Variants in VPS26A observed in about 807,000 individuals in gnomAD.
VPS26A encodes VPS26 retromer complex component A.
In VPS26A, 22 loss-of-function variants were observed where a neutral mutation model predicts 42.4. That is an observed-to-expected ratio of 0.52 (90% CI 0.37 to 0.74). VPS26A has a LOEUF of 0.74. Ranked by LOEUF, VPS26A falls within the 30% of genes least tolerant of loss-of-function variation. VPS26A has a pLI of 0.00. For missense variants in VPS26A, 276 were observed against 379.2 expected (o/e 0.73, Z 2.26); for synonymous variants, 110 against 123.5 (o/e 0.89, Z 0.73).
chr10:69,150,808 TATATGTAGA>T lies in VPS26A; in HGVS notation c.154-5003_154-4995del, dbSNP rs1265311662. 2.0e-5 allele frequency among the ~76,000 whole-genome samples: 3 copies of T among 152,348 alleles called. No individual in the cohort carries two copies. In the East Asian group the frequency reaches 5.8e-4, roughly 29 times the overall value. The stretch of plus-strand genomic sequence containing the variant: ...AAAAGTATATATATGCATGCCCATA[TATATGTAGA>T]GAGATGATGATAAAGCAGATGGGGC... On this transcript the variant is annotated intron_variant, in intron 2 of 8. Coordinates refer to ENST00000263559, the MANE Select transcript of VPS26A (RefSeq NM_004896.5).
chr10:69,127,773 G>A (rs1179457890), intron 1 of VPS26A, among the ~76,000 whole-genome samples: 2 of 114,602 alleles, frequency 1.7e-5, no homozygotes, highest in Non-Finnish European at 3.3e-5. Flanking sequence ...TTGCTCTGCC[G>A]CCCAGTCAGT....
intron 6 of VPS26A, among the ~76,000 whole-genome samples, chr10:69,164,729 A>C (rs959104814): frequency 7.9e-5 from 12 of 152,086 alleles, no homozygotes; most frequent in African/African-American, 2.9e-4. Context: ...GAAGTAATAC[A>C]TTGTGGTTTA....
intron 4 of VPS26A, 93 bp downstream of exon 4, chr10:69,157,256 G>A (rs2132226912): frequency 2.8e-6 from 4 of 1,424,392 alleles, no homozygotes; most frequent in Non-Finnish European, 3.7e-6. Flanking sequence ...TTATAATTCT[G>A]TATTGGAAGA....
chr10:69,125,997 A>G (rs1284276352), intron 1 of VPS26A, among the ~76,000 whole-genome samples: 1 of 152,204 alleles, frequency 6.6e-6, no homozygotes, highest in Non-Finnish European at 1.5e-5. Flanking sequence ...AGATTAGAAA[A>G]CTATAAAAAC....
In VPS26A at chr10:69,168,690, G is replaced by A. The variant is rs61533192; in HGVS notation, c.870+59G>A. On this transcript the variant is annotated intron_variant, in intron 8 of 8. Coordinates refer to ENST00000263559, the MANE Select transcript of VPS26A (RefSeq NM_004896.5). Reference sequence around the variant, plus strand: ...CGGCAGATCTAAAAATACCTCGAAAGCACTCTTCTAAGCTTCACTGTACTG... The same window carrying A: ...CGGCAGATCTAAAAATACCTCGAAAACACTCTTCTAAGCTTCACTGTACTG... The A allele has an allele frequency of 8.0e-3, 12,588 of 1,579,520 alleles. 858 individuals carry two copies. The African/African-American group carries it at 0.15, about 19-fold the overall frequency.
At position 69,132,936 on chromosome 10, in the gene VPS26A, C is replaced by T. The variant is rs759642582; in HGVS notation, c.42C>T (p.Ile14=). The T allele has an allele frequency of 1.1e-5, 18 of 1,598,744 alleles. No individual in the cohort carries two copies. Among genetic ancestry groups the T allele is most frequent in the Admixed American group, 1.8e-5 (1 of 55,516 alleles). The stretch of plus-strand genomic sequence containing the variant: ...GCTTTTTTGGTCCAATTTGTGAGAT[C>T]GATATTGTTCTTAATGATGGGGAAA... ...LGGFFGPICE[I]DIVLNDGETR... The change falls in exon 2 of 9, where the codon ATC becomes ATT. Residue 14 remains isoleucine, a synonymous_variant. Coordinates refer to ENST00000263559, the MANE Select transcript of VPS26A (RefSeq NM_004896.5).
At chr10:69,165,905 C>G (rs1241344325) in intron 6 of VPS26A, 137 bp from the exon 7 acceptor site, 28 of 778,634 alleles carry the variant, frequency 3.6e-5, no homozygotes, top group Non-Finnish European at 5.5e-5. Context: ...ATGATTGGAC[C>G]ACTGCACTCT....
intron 2 of VPS26A, among the ~76,000 whole-genome samples, chr10:69,141,947 G>A (rs1347424570): frequency 3.3e-5 from 5 of 151,930 alleles, no homozygotes; most frequent in African/African-American, 1.2e-4. Flanking sequence ...GCCGTGGCGC[G>A]ATCTTGGCTC....
At chr10:69,131,271 C>T (rs1034550813) in intron 1 of VPS26A, among the ~76,000 whole-genome samples, 2 of 152,142 alleles carry the variant, frequency 1.3e-5, no homozygotes, top group Non-Finnish European at 1.5e-5. Flanking sequence ...TGAGCCAGCG[C>T]GCCCAGCCAG....
At chr10:69,148,363 A>G (rs1196493739) in intron 2 of VPS26A, among the ~76,000 whole-genome samples, 2 of 152,168 alleles carry the variant, frequency 1.3e-5, no homozygotes, top group Admixed American at 1.3e-4. Context: ...GCAAAAGTCA[A>G]CACAGGGGTT....
At chr10:69,135,727 C>G (rs1183160169) in intron 2 of VPS26A, among the ~76,000 whole-genome samples, 1 of 152,082 alleles carries the variant, frequency 6.6e-6, no homozygotes, top group African/African-American at 2.4e-5. Flanking sequence ...TATCTTGAAT[C>G]TGATTGTTTA....
intron 8 of VPS26A, 22 bp from the exon 9 acceptor site, chr10:69,171,134 A>G (rs1841804707): frequency 1.9e-6 from 3 of 1,570,090 alleles, no homozygotes; most frequent in Non-Finnish European, 2.6e-6. Context: ...TAATTTGTTA[A>G]TATCTTGCAT....
At chr10:69,145,122 G>A (rs1434871884) in intron 2 of VPS26A, among the ~76,000 whole-genome samples, 7 of 151,950 alleles carry the variant, frequency 4.6e-5, no homozygotes, top group African/African-American at 1.2e-4. Context: ...TGAAACCTCC[G>A]CGTCCCGGGT....
Position 69,174,295 on chromosome 10 carries a change from C to G in VPS26A, c.*3026C>G, listed in dbSNP as rs1327449893. 2.0e-5 allele frequency among the ~76,000 whole-genome samples: 3 copies of G among 152,218 alleles called. No individual in the cohort carries two copies. Among genetic ancestry groups the G allele is most frequent in the Non-Finnish European group, 4.4e-5 (3 of 68,048 alleles). On this transcript the variant is annotated 3_prime_UTR_variant, in exon 9 of 9. Coordinates refer to ENST00000263559, the MANE Select transcript of VPS26A (RefSeq NM_004896.5). ...TTGAGTACACGAATTTGAAATTACA[C>G]TGAGGTGATCATGCCACTGCACTGT...
intron 5 of VPS26A, 125 bp from the exon 6 acceptor site, chr10:69,162,281 T>C: frequency 1.9e-6 from 1 of 516,982 alleles, no homozygotes; most frequent in Non-Finnish European, 3.4e-6. Flanking sequence ...AGAGCCACTG[T>C]GCCCAGCCTC....
chr10:69,146,631 C>T (rs1218745214), intron 2 of VPS26A, among the ~76,000 whole-genome samples: 1 of 152,088 alleles, frequency 6.6e-6, no homozygotes, highest in Non-Finnish European at 1.5e-5. Context: ...ATGAATTTGC[C>T]TATTTTAGAT....
intron 2 of VPS26A, among the ~76,000 whole-genome samples, chr10:69,141,467 C>T (rs9804210): frequency 0.041 from 6,312 of 152,244 alleles, 459 homozygotes; most frequent in African/African-American, 0.14. Context: ...AAGAGCATTT[C>T]TGATCAAATT....
chr10:69,152,826 C>T (rs977855405), intron 2 of VPS26A, among the ~76,000 whole-genome samples: 3 of 151,816 alleles, frequency 2.0e-5, no homozygotes, highest in Non-Finnish European at 4.4e-5. Flanking sequence ...AAAAATTAGC[C>T]GGGCATGGTG....
intron 6 of VPS26A, among the ~76,000 whole-genome samples, chr10:69,165,230 A>G (rs954164025): frequency 6.6e-6 from 1 of 152,078 alleles, no homozygotes; most frequent in Non-Finnish European, 1.5e-5. Flanking sequence ...GCCTGGCCTC[A>G]TCGTCGGGTT....
Sources: gnomAD v4.1 joint callset for allele counts (sites outside exome capture counted in the v4.1 genomes callset) on GRCh38, gnomAD v4.1.1 for gene constraint, MANE v1.5 for transcripts, NCBI Gene and HGNC (gene_info 2026-07-23, HGNC 2026-07-21) for gene names.